ABCB7: variants seen among roughly 807,000 people sequenced by gnomAD.
ABCB7 encodes the protein ATP binding cassette subfamily B member 7, also known as iron-sulfur clusters transporter ABCB7, mitochondrial.
Under a neutral mutation model 54.4 loss-of-function variants are expected in ABCB7, and 7 were observed. That is an observed-to-expected ratio of 0.13 (90% CI 0.07 to 0.24). The LOEUF is 0.24. Among genes scored for constraint, ABCB7 ranks in the 10% least tolerant of loss-of-function variants. The pLI, the probability that ABCB7 is intolerant of heterozygous loss-of-function variation, is 1.00. For missense variants in ABCB7, 356 were observed against 570.4 expected (o/e 0.62, Z 3.83); for synonymous variants, 218 against 207.1 (o/e 1.05, Z -0.45).
At chrX:75,129,267 CA>C (rs1277735292) in intron 1 of ABCB7, among the ~76,000 whole-genome samples, 1 of 111,116 alleles carries the variant, frequency 9.0e-6, no homozygotes, top group African/African-American at 3.3e-5. Context: ...TATGCAGCCA[CA>C]AAAAAGGATG....
intron 5 of ABCB7, 132 bp from the exon 6 acceptor site, chrX:75,075,762 A>C (rs1048024067): frequency 2.3e-5 from 15 of 660,768 alleles, no homozygotes; most frequent in Non-Finnish European, 3.3e-5. Flanking sequence ...GAATATTTAC[A>C]ATAAAAGAAA....
chrX:75,145,318 C>T (rs1430804460), intron 1 of ABCB7, among the ~76,000 whole-genome samples: 1 of 110,946 alleles, frequency 9.0e-6, no homozygotes, highest in African/African-American at 3.3e-5. Context: ...AACACTAACG[C>T]AAAAATCCTC....
rs751068460 is a variant in ABCB7 at position 75,112,990 on chromosome X, C to T, written c.247-18G>A. 14 of 1,155,160 alleles carry T rather than the reference C, an allele frequency of 1.2e-5. No individual in the cohort carries two copies. The highest frequency in any genetic ancestry group is 2.4e-4 in the Middle Eastern group (1 of 4,224). On this transcript the variant is annotated intron_variant, in intron 2 of 15. Coordinates refer to ENST00000373394, the MANE Select transcript of ABCB7 (RefSeq NM_001271696.3). ...TGGAGAGCCTAATTGAAGATGATAC[C>T]AAGCAGTCCGTTAGCTATTACAGAA...
chrX:75,071,789 C>A (rs951418177), intron 8 of ABCB7, 106 bp from the exon 9 acceptor site: 1 of 535,611 alleles, frequency 1.9e-6, no homozygotes, highest in African/African-American at 2.4e-5. Context: ...CAATTTTGTA[C>A]TGTAGATTCC....
intron 4 of ABCB7, among the ~76,000 whole-genome samples, chrX:75,080,228 C>A (rs1024545215): frequency 8.9e-6 from 1 of 111,958 alleles, no homozygotes; most frequent in Non-Finnish European, 1.9e-5. Flanking sequence ...ACCCAAGAGT[C>A]CAATTGCTAA....
At chrX:75,104,049 T>TTTTTTTG (rs1261494090) in intron 3 of ABCB7, among the ~76,000 whole-genome samples, 40 of 28,130 alleles carry the variant, frequency 1.4e-3, no homozygotes, top group Non-Finnish European at 3.0e-3. Flanking sequence ...TTGTTACAGT[T>TTTTTTTG]TTTTTTTTTT....
At chrX:75,095,698 A>T (rs960006786) in intron 4 of ABCB7, among the ~76,000 whole-genome samples, 5 of 112,593 alleles carry the variant, frequency 4.4e-5, no homozygotes, top group African/African-American at 1.6e-4. Flanking sequence ...CTGATTCAAA[A>T]GAAATCAAAC....
At chrX:75,116,157 T>C (rs758147620) in intron 1 of ABCB7, among the ~76,000 whole-genome samples, 8 of 111,551 alleles carry the variant, frequency 7.2e-5, no homozygotes, top group Non-Finnish European at 1.1e-4. Context: ...CATCTTTATC[T>C]CTGAAGCTTG....
At chrX:75,092,939 T>C (rs1391599986) in intron 4 of ABCB7, among the ~76,000 whole-genome samples, 1 of 111,887 alleles carries the variant, frequency 8.9e-6, no homozygotes, top group Non-Finnish European at 1.9e-5. Flanking sequence ...TGTGGAGCAA[T>C]AGGAACTCTT....
In ABCB7 at chrX:75,095,598, T is replaced by C. The variant is rs778233748; in HGVS notation, c.453+3344A>G. ...TGCTTAAAGTTATTCTATGATCTAGTTTCTGTTTTGTAAAAAGAAAATTGT... is the reference window on the plus strand; with the variant it reads ...TGCTTAAAGTTATTCTATGATCTAGCTTCTGTTTTGTAAAAAGAAAATTGT... On this transcript the variant is annotated intron_variant, in intron 4 of 15. Coordinates refer to ENST00000373394, the MANE Select transcript of ABCB7 (RefSeq NM_001271696.3). Among the ~76,000 whole-genome samples, 3 of 112,750 alleles carry C rather than the reference T, an allele frequency of 2.7e-5. No homozygotes were observed. In the South Asian group the frequency reaches 1.1e-3, roughly 41 times the overall value.
At chrX:75,094,056 A>ATATATC (rs1267473767) in intron 4 of ABCB7, among the ~76,000 whole-genome samples, 3 of 82,831 alleles carry the variant, frequency 3.6e-5, no homozygotes, top group East Asian at 3.7e-4. Flanking sequence ...ATATATATCT[A>ATATATC]TCTTATTATT....
At chrX:75,072,452 G>C (rs937378952) in intron 8 of ABCB7, among the ~76,000 whole-genome samples, 2 of 111,864 alleles carry the variant, frequency 1.8e-5, no homozygotes, top group Non-Finnish European at 3.8e-5. Context: ...ATAGCCTATT[G>C]CTCCTAGGCT....
intron 4 of ABCB7, among the ~76,000 whole-genome samples, chrX:75,093,694 T>C (rs1332422206): frequency 9.2e-6 from 1 of 108,822 alleles, no homozygotes; most frequent in Non-Finnish European, 1.9e-5. Context: ...AGGGGGTATA[T>C]ATAAGAACTC....
chrX:75,142,743 C>T (rs1325771395), intron 1 of ABCB7, among the ~76,000 whole-genome samples: 1 of 112,149 alleles, frequency 8.9e-6, no homozygotes, highest in African/African-American at 3.2e-5. Context: ...TCCTGCACGT[C>T]GCTCTACAAA....
chrX:75,078,927 A>T (rs1428101180), intron 4 of ABCB7, among the ~76,000 whole-genome samples: 1 of 112,155 alleles, frequency 8.9e-6, no homozygotes, highest in Non-Finnish European at 1.9e-5. Flanking sequence ...ATTTAAGGAT[A>T]CAGTCCCTCA....
At position 75,070,518 on chromosome X, in the gene ABCB7, G is replaced by C; in HGVS notation, c.1212C>G (p.Thr404=). The C allele has an allele frequency of 1.7e-6, 2 of 1,208,799 alleles. No individual in the cohort carries two copies. Among genetic ancestry groups the C allele is most frequent in the Non-Finnish European group, 2.2e-6 (2 of 893,801 alleles). The stretch of plus-strand genomic sequence containing the variant: ...CCATTACTAGATCTCCAACAGTAAG[G>C]GTACCTTAAAAGGCAGAAGAAAAAA... ...VLASQGIVAG[T]LTVGDLVMVN... The change falls in exon 10 of 16, where the codon ACC becomes ACG. Residue 404 remains threonine, a synonymous_variant. Transcript: ENST00000373394.
intron 3 of ABCB7, among the ~76,000 whole-genome samples, chrX:75,106,605 A>G (rs1007689029): frequency 2.7e-5 from 3 of 111,980 alleles, no homozygotes; most frequent in African/African-American, 9.7e-5. Flanking sequence ...AAAGAGCTAA[A>G]AATAAAACTA....
At chrX:75,114,544 C>G (rs1231166359) in intron 2 of ABCB7, among the ~76,000 whole-genome samples, 1 of 112,467 alleles carries the variant, frequency 8.9e-6, no homozygotes, top group Non-Finnish European at 1.9e-5. Context: ...GACACTGATT[C>G]AAGAGATTCA....
rs1474606726 is a variant in ABCB7 at position 75,156,227 on chromosome X, C to A, written c.46G>T (p.Ala16Ser). Residue 16 changes from alanine to serine, a missense_variant, in exon 1 of 16, where the codon GCT (alanine) becomes TCT (serine). Coordinates refer to ENST00000373394, the MANE Select transcript of ABCB7 (RefSeq NM_001271696.3). ...GAGTGCCGGCGCTTTTCGAAAGCAG[C>A]CGCCGCGGCCGCCCAGCGCCAAGAA... Reference protein sequence around the residue: ...MHSWRWAAAAAAFEKRRHSAI... With the variant: ...MHSWRWAAAASAFEKRRHSAI... The A allele has an allele frequency of 8.3e-7, 1 of 1,202,488 alleles. No homozygotes were observed. Among genetic ancestry groups the A allele is most frequent in the Non-Finnish European group, 1.1e-6 (1 of 891,709 alleles).
Sources: allele counts gnomAD v4.1 joint callset (sites outside exome capture counted in the v4.1 genomes callset), GRCh38; gene constraint gnomAD v4.1.1; transcripts MANE v1.5; gene names NCBI Gene and HGNC (gene_info 2026-07-23, HGNC 2026-07-21).